Variants in EEPD1 observed in about 807,000 individuals in gnomAD.
The protein encoded by EEPD1 is endonuclease/exonuclease/phosphatase family domain containing 1, also known as endonuclease/exonuclease/phosphatase family domain-containing protein 1.
EEPD1 carries 17 observed loss-of-function variants against 46.3 expected under a neutral mutation model. The ratio of observed to expected loss-of-function variants is 0.37; its 90% CI spans 0.25 to 0.55. The LOEUF (loss-of-function observed/expected upper bound fraction) is 0.55. Among genes scored for constraint, EEPD1 ranks in the 20% least tolerant of loss-of-function variants. EEPD1 has a pLI of 0.83. For missense variants in EEPD1, 673 were observed against 745.6 expected, an observed-to-expected ratio of 0.90 and a Z score of 1.13; for synonymous variants, 313 against 315.6, an observed-to-expected ratio of 0.99 and a Z score of 0.09.
intron 2 of EEPD1, among the ~76,000 whole-genome samples, chr7:36,236,452 C>T (rs1254103608): frequency 1.3e-5 from 2 of 152,198 alleles, no homozygotes; most frequent in African/African-American, 2.4e-5. Flanking sequence ...GGATTGTTGG[C>T]CACGACAGCC....
intron 4 of EEPD1, among the ~76,000 whole-genome samples, chr7:36,282,881 A>AT (rs1191076380): frequency 6.6e-6 from 1 of 152,242 alleles, no homozygotes; most frequent in Non-Finnish European, 1.5e-5. Context: ...AATTTCCTGA[A>AT]TTTTAAAGAT....
chr7:36,275,477 C>T (rs1187992678), intron 3 of EEPD1, among the ~76,000 whole-genome samples: 1 of 152,044 alleles, frequency 6.6e-6, no homozygotes, highest in African/African-American at 2.4e-5. Context: ...GACAGAATAT[C>T]ACTCTGTCAC....
chr7:36,189,311 T>C (rs1030998758), intron 2 of EEPD1, among the ~76,000 whole-genome samples: 1 of 152,112 alleles, frequency 6.6e-6, no homozygotes, highest in African/African-American at 2.4e-5. Context: ...ACAGAACATT[T>C]GTCTGGTTGA....
At chr7:36,176,501 A>G (rs969143895) in intron 2 of EEPD1, among the ~76,000 whole-genome samples, 1 of 152,216 alleles carries the variant, frequency 6.6e-6, no homozygotes, top group South Asian at 2.1e-4. Flanking sequence ...TTCAGATGCT[A>G]TGTCGTAGCG....
chr7:36,180,902 C>T (rs999335373), intron 2 of EEPD1, among the ~76,000 whole-genome samples: 14 of 151,680 alleles, frequency 9.2e-5, no homozygotes, highest in African/African-American at 2.9e-4. Flanking sequence ...CCCCCTCAGT[C>T]GGCTCCTGGC....
intron 2 of EEPD1, among the ~76,000 whole-genome samples, chr7:36,194,690 C>A (rs1393934528): frequency 1.3e-5 from 2 of 152,128 alleles, no homozygotes; most frequent in Admixed American, 6.5e-5. Context: ...CTGGGCTGGA[C>A]CCGGAAGAGC....
intron 2 of EEPD1, among the ~76,000 whole-genome samples, chr7:36,198,383 A>C (rs1255129081): frequency 4.9e-5 from 7 of 143,360 alleles, no homozygotes; most frequent in Non-Finnish European, 1.1e-4. Flanking sequence ...TGAAAAACTA[A>C]ATCAAAACTG....
intron 2 of EEPD1, among the ~76,000 whole-genome samples, chr7:36,208,450 C>T (rs530010241): frequency 1.2e-4 from 18 of 152,302 alleles, no homozygotes; most frequent in Admixed American, 1.0e-3. Flanking sequence ...CAATTCAGGC[C>T]CAGTGGCTTT....
At chr7:36,171,627 G>A (rs1287574124) in intron 2 of EEPD1, among the ~76,000 whole-genome samples, 6 of 152,330 alleles carry the variant, frequency 3.9e-5, no homozygotes, top group African/African-American at 1.4e-4. Context: ...GAGTGTGTGT[G>A]AATTATAAAT....
intron 2 of EEPD1, among the ~76,000 whole-genome samples, chr7:36,162,305 A>T (rs1334930486): frequency 6.6e-5 from 10 of 152,200 alleles, no homozygotes; most frequent in Non-Finnish European, 1.5e-4. Context: ...TAAACATTTC[A>T]TTATAAAGGG....
At position 36,301,009 on chromosome 7, in the gene EEPD1, C is replaced by T. The variant is rs1327998304; in HGVS notation, c.*1803C>T. ...TCTGGTGCCTCATCTAAAGGTGAAA[C>T]CTCCCCTACATTCACCAGCCGGATG... On this transcript the variant is annotated 3_prime_UTR_variant, in exon 8 of 8. Transcript: ENST00000242108. 6.6e-6 allele frequency: 1 copy of T among 152,250 alleles called. No individual in the cohort carries two copies. Among genetic ancestry groups the T allele is most frequent in the Non-Finnish European group, 1.5e-5 (1 of 68,064 alleles). 9.4% of individuals were successfully genotyped at this position (152,250 alleles called of 1,614,324 possible).
chr7:36,296,882 C>A, intron 6 of EEPD1, 111 bp from the exon 7 acceptor site: 3 of 1,070,666 alleles, frequency 2.8e-6, no homozygotes, highest in Non-Finnish European at 4.1e-6. Context: ...ACAGTACTAA[C>A]CCCATGGGAG....
intron 3 of EEPD1, among the ~76,000 whole-genome samples, chr7:36,240,509 A>C (rs1293383776): frequency 6.6e-6 from 1 of 152,172 alleles, no homozygotes; most frequent in Non-Finnish European, 1.5e-5. Context: ...GGCTTTCTAA[A>C]TGCCAAAGCA....
chr7:36,163,696 A>G (rs1833179), intron 2 of EEPD1, among the ~76,000 whole-genome samples: 114,790 of 151,840 alleles, frequency 0.76, 43,844 homozygotes, highest in Middle Eastern at 0.8. Flanking sequence ...TGGCTAACAC[A>G]GTGAAACCCT....
At chr7:36,289,875 C>T (rs1034198382) in intron 6 of EEPD1, among the ~76,000 whole-genome samples, 1 of 152,256 alleles carries the variant, frequency 6.6e-6, no homozygotes, top group Non-Finnish European at 1.5e-5. Flanking sequence ...CATTCATCTT[C>T]TGATAGACAC....
chr7:36,173,294 G>C (rs139573165), intron 2 of EEPD1, among the ~76,000 whole-genome samples: 6 of 145,372 alleles, frequency 4.1e-5, no homozygotes, highest in Middle Eastern at 3.6e-3. Context: ...TGAGACCATC[G>C]TGGCCAACAT....
intron 2 of EEPD1, among the ~76,000 whole-genome samples, chr7:36,222,519 C>T (rs1167146717): frequency 1.3e-5 from 2 of 152,098 alleles, no homozygotes; most frequent in Admixed American, 6.5e-5. Flanking sequence ...AGAAATATTG[C>T]ACATTATATA....
intron 3 of EEPD1, among the ~76,000 whole-genome samples, chr7:36,269,060 T>C (rs899241194): frequency 6.6e-6 from 1 of 152,144 alleles, no homozygotes. Context: ...CCTTCTGGAG[T>C]CTGCATGGGT....
At chr7:36,227,433 A>G (rs553707647) in intron 2 of EEPD1, among the ~76,000 whole-genome samples, 3 of 152,202 alleles carry the variant, frequency 2.0e-5, no homozygotes, top group Non-Finnish European at 4.4e-5. Context: ...TGTCAAGGAC[A>G]TATTTAGGAA....
Sources: gnomAD v4.1 joint callset for allele counts (sites outside exome capture counted in the v4.1 genomes callset) on GRCh38, gnomAD v4.1.1 for gene constraint, MANE v1.5 for transcripts, NCBI Gene and HGNC (gene_info 2026-07-23, HGNC 2026-07-21) for gene names.